Variants in RHOBTB1 observed in about 807,000 individuals in gnomAD.
RHOBTB1 encodes the protein Rho related BTB domain containing 1, also known as rho-related BTB domain-containing protein 1.
RHOBTB1 carries 40 observed loss-of-function variants against 71.6 expected under a neutral mutation model. The ratio of observed to expected loss-of-function variants is 0.56; its 90% confidence interval spans 0.43 to 0.73. The LOEUF is 0.73. Among genes scored for constraint, RHOBTB1 ranks in the 30% least tolerant of loss-of-function variants. The pLI is 0.00. For missense variants in RHOBTB1, 797 were observed against 894.0 expected, an observed-to-expected ratio of 0.89 and a Z score of 1.38; for synonymous variants, 319 against 334.9, an observed-to-expected ratio of 0.95 and a Z score of 0.52.
chr10:60,993,494 A>AT (rs1029739981), intron 1 of RHOBTB1, among the ~76,000 whole-genome samples: 2 of 152,034 alleles, frequency 1.3e-5, no homozygotes, highest in African/African-American at 4.8e-5. Flanking sequence ...GGCATAACTG[A>AT]TTTTTTTCTC....
upstream of RHOBTB1, among the ~76,000 whole-genome samples, chr10:60,948,642 G>T (rs1279496465): frequency 8.5e-5 from 13 of 152,234 alleles, no homozygotes; most frequent in Non-Finnish European, 1.5e-5. Flanking sequence ...GAGTTACAGA[G>T]AAATTTTGGG....
upstream of RHOBTB1, among the ~76,000 whole-genome samples, chr10:60,944,801 G>A (rs1330532146): frequency 2.0e-5 from 3 of 152,194 alleles, no homozygotes; most frequent in Admixed American, 6.5e-5. Context: ...GCACGTGCTG[G>A]CTGGCTCCTC....
intron 7 of RHOBTB1, among the ~76,000 whole-genome samples, chr10:60,882,051 G>A (rs1288341703): frequency 1.3e-5 from 2 of 151,988 alleles, no homozygotes; most frequent in Non-Finnish European, 2.9e-5. Context: ...TTTTAAAAAA[G>A]CCCGTTTCTG....
At chr10:60,905,746 T>C (rs1412022021) in intron 4 of RHOBTB1, among the ~76,000 whole-genome samples, 1 of 152,140 alleles carries the variant, frequency 6.6e-6, no homozygotes, top group Non-Finnish European at 1.5e-5. Flanking sequence ...CCTAACATCA[T>C]CATTACAATG....
chr10:60,977,339 C>T lies in RHOBTB1; in HGVS notation c.-62+8506G>A, dbSNP rs561205139. Among the ~76,000 whole-genome samples, 12 of 151,962 alleles carry T rather than the reference C, an allele frequency of 7.9e-5. No homozygotes were observed. The South Asian group carries it at 2.3e-3, about 29-fold the overall frequency. On this transcript the variant is annotated intron_variant, in intron 2 of 11. Transcript: ENST00000357917. The stretch of plus-strand genomic sequence containing the variant: ...CAATGACAGCTTCATGGGGTGTTGC[C>T]CTATTTATGAAACCTTAACATGTCA...
chr10:60,873,974 C>T (rs974810794), intron 9 of RHOBTB1, among the ~76,000 whole-genome samples: 4 of 152,232 alleles, frequency 2.6e-5, no homozygotes, highest in African/African-American at 9.6e-5. Context: ...TCAATTCCGC[C>T]TTTTCCCCCT....
chr10:60,984,469 T>A (rs964852831), intron 2 of RHOBTB1, among the ~76,000 whole-genome samples: 5 of 152,222 alleles, frequency 3.3e-5, no homozygotes, highest in African/African-American at 1.2e-4. Flanking sequence ...CATATTTGAA[T>A]CTGGCTTATG....
In RHOBTB1 at chr10:60,871,531, C is replaced by T. The variant is rs146356306; in HGVS notation, c.2042G>A (p.Arg681His). 51 of 1,613,962 alleles carry T rather than the reference C, an allele frequency of 3.2e-5. No individual in the cohort carries two copies. The African/African-American group carries it at 3.2e-4, about 10-fold the overall frequency. Residue 681 changes from arginine (R) to histidine (H), a missense_variant, in exon 11 of 11, where the codon CGC (arginine) becomes CAC (histidine). Transcript: ENST00000337910. ...CCAGAAGCACCACTTTCGTCTTGAGCGATGCTTATTTAGTGCAATATCTTC... is the reference window on the plus strand; with the variant it reads ...CCAGAAGCACCACTTTCGTCTTGAGTGATGCTTATTTAGTGCAATATCTTC... ...EKEDIALNKH[R>H]SRRKWCFWNS...
intron 2 of RHOBTB1, among the ~76,000 whole-genome samples, chr10:60,979,925 A>G (rs1028433431): frequency 6.6e-6 from 1 of 152,172 alleles, no homozygotes; most frequent in African/African-American, 2.4e-5. Context: ...AAAAGGTCAT[A>G]AGGCAGAAAC....
intron 4 of RHOBTB1, among the ~76,000 whole-genome samples, chr10:60,898,299 A>T (rs1183184521): frequency 6.6e-6 from 1 of 151,988 alleles, no homozygotes; most frequent in African/African-American, 2.4e-5. Context: ...CTGGTAACTG[A>T]GGTAGGTTCT....
At chr10:60,956,166 A>G (rs2085585455) in intron 2 of RHOBTB1, among the ~76,000 whole-genome samples, 1 of 152,206 alleles carries the variant, frequency 6.6e-6, no homozygotes, top group African/African-American at 2.4e-5. Flanking sequence ...AAACCTGTAC[A>G]GCATGTTACT....
chr10:60,902,039 C>A lies in RHOBTB1; in HGVS notation c.296+8848G>T, dbSNP rs114502870. Among the ~76,000 whole-genome samples the A allele has an allele frequency of 4.0e-3, 606 of 152,306 alleles. 5 individuals carry two copies. Among genetic ancestry groups the A allele is most frequent in the African/African-American group, 0.014 (577 of 41,564 alleles). On this transcript the variant is annotated intron_variant, in intron 4 of 10. Coordinates refer to ENST00000337910, the MANE Select transcript of RHOBTB1 (RefSeq NM_014836.5). ...TGTTGCTATCTCATTTGGCACTCCG[C>A]TTTCCAAGGACAATTTCATCCTGGG...
At chr10:60,949,507 A>G (rs1004854253) in intron 2 of RHOBTB1, among the ~76,000 whole-genome samples, 2 of 152,042 alleles carry the variant, frequency 1.3e-5, no homozygotes, top group Non-Finnish European at 2.9e-5. Context: ...TAAAGCTCCT[A>G]TTTTCTTCCC....
chr10:60,931,628 C>T (rs949012385), intron 2 of RHOBTB1, among the ~76,000 whole-genome samples: 13 of 152,136 alleles, frequency 8.5e-5, no homozygotes, highest in African/African-American at 3.1e-4. Context: ...TTGATTTTCA[C>T]TTCTAAGAGT....
At chr10:60,959,188 CTCTTA>C (rs1208272237) in intron 2 of RHOBTB1, among the ~76,000 whole-genome samples, 1 of 152,130 alleles carries the variant, frequency 6.6e-6, no homozygotes, top group Non-Finnish European at 1.5e-5. Flanking sequence ...ACAAAACAAA[CTCTTA>C]TCTGAGTGTT....
intron 2 of RHOBTB1, among the ~76,000 whole-genome samples, chr10:60,964,027 A>G (rs2085873329): frequency 1.3e-5 from 2 of 152,062 alleles, no homozygotes; most frequent in African/African-American, 4.8e-5. Flanking sequence ...CTACCCCCAA[A>G]TTCATGAAAA....
At position 60,911,501 on chromosome 10, in the gene RHOBTB1, A is replaced by T; in HGVS notation, c.42T>A (p.Thr14=). Residue 14 remains threonine, a synonymous_variant, in exon 3 of 11, where the codon ACT becomes ACA. Coordinates refer to ENST00000337910, the MANE Select transcript of RHOBTB1 (RefSeq NM_014836.5). ...DMDYERPNVE[T]IKCVVVGDNA... ...TGTCACCCACGACCACACATTTGAT[A>T]GTTTCAACGTTGGGTCTTTCGTAGT... is the stretch of plus-strand genomic sequence containing the variant. 1.9e-6 allele frequency: 3 copies of T among 1,614,208 alleles called. No homozygotes were observed. Among genetic ancestry groups the T allele is most frequent in the Non-Finnish European group, 2.5e-6 (3 of 1,180,030 alleles).
At chr10:60,975,985 T>C (rs1249206298) in intron 2 of RHOBTB1, among the ~76,000 whole-genome samples, 1 of 152,042 alleles carries the variant, frequency 6.6e-6, no homozygotes. Context: ...CAGTTCATTG[T>C]TGCACTAGAA....
At chr10:60,977,056 A>G (rs1035185134) in intron 2 of RHOBTB1, among the ~76,000 whole-genome samples, 3 of 152,050 alleles carry the variant, frequency 2.0e-5, no homozygotes, top group Admixed American at 1.3e-4. Flanking sequence ...GGAGAATTAT[A>G]TATTATAAAT....
Sources: allele counts gnomAD v4.1 joint callset (sites outside exome capture counted in the v4.1 genomes callset), GRCh38; gene constraint gnomAD v4.1.1; transcripts MANE v1.5; gene names NCBI Gene and HGNC (gene_info 2026-07-23, HGNC 2026-07-21).